ZDHHC21: variants seen among roughly 807,000 people sequenced by gnomAD.
ZDHHC21 encodes palmitoyltransferase ZDHHC21.
ZDHHC21 carries 15 observed loss-of-function variants against 34.6 expected under a neutral mutation model. The ratio of observed to expected loss-of-function variants is 0.43; its 90% CI spans 0.29 to 0.67. ZDHHC21 has a LOEUF of 0.67. Ranked by LOEUF, ZDHHC21 falls within the 30% of genes least tolerant of loss-of-function variation. The pLI, the probability that ZDHHC21 is intolerant of heterozygous loss-of-function variation, is 0.14. For missense variants in ZDHHC21, 344 were observed against 327.7 expected (o/e 1.05, Z -0.38); for synonymous variants, 142 against 101.8 (o/e 1.40, Z -2.38).
chr9:14,604,567 C>T, the ZDHHC21 span, among the ~76,000 whole-genome samples: 1 of 152,042 alleles, frequency 6.6e-6, no homozygotes, highest in African/African-American at 2.4e-5. Flanking sequence ...TGTAACATTG[C>T]ATGTTTTTAG....
At chr9:14,633,272 G>C (rs997536953) in intron 8 of ZDHHC21, among the ~76,000 whole-genome samples, 8 of 152,150 alleles carry the variant, frequency 5.3e-5, no homozygotes, top group African/African-American at 1.7e-4. Context: ...GGACTGACAG[G>C]AAAGCAAGGC....
At chr9:14,604,886 C>G in the ZDHHC21 span, among the ~76,000 whole-genome samples, 1 of 152,120 alleles carries the variant, frequency 6.6e-6, no homozygotes, top group Non-Finnish European at 1.5e-5. Context: ...ATTCCCCCTC[C>G]CCACAGCAGC....
intron 8 of ZDHHC21, among the ~76,000 whole-genome samples, chr9:14,634,585 T>TG (rs1464799252): frequency 6.6e-6 from 1 of 152,154 alleles, no homozygotes; most frequent in African/African-American, 2.4e-5. Context: ...CAGATACCAC[T>TG]GATGCTATTC....
chr9:14,685,521 T>G (rs1328444147), intron 2 of ZDHHC21, among the ~76,000 whole-genome samples: 1 of 151,996 alleles, frequency 6.6e-6, no homozygotes, highest in African/African-American at 2.4e-5. Flanking sequence ...CTCACACCAG[T>G]TAGAATGGCG....
intron 8 of ZDHHC21, chr9:14,622,544 A>C (rs1453578182): frequency 2.0e-6 from 2 of 985,162 alleles, no homozygotes; most frequent in Admixed American, 1.2e-4. Context: ...AACAGACCTG[A>C]GAACCCAGTC....
intron 5 of ZDHHC21, among the ~76,000 whole-genome samples, chr9:14,664,088 T>G (rs185342066): frequency 0.015 from 2,327 of 151,854 alleles, 28 homozygotes; most frequent in African/African-American, 0.036. Context: ...TGCATTTCCA[T>G]CTGAGGTACC....
At chr9:14,605,866 C>T in the ZDHHC21 span, among the ~76,000 whole-genome samples, 1 of 151,796 alleles carries the variant, frequency 6.6e-6, no homozygotes, top group Non-Finnish European at 1.5e-5. Flanking sequence ...TCTCACTATA[C>T]AATATTACAG....
the ZDHHC21 span, among the ~76,000 whole-genome samples, chr9:14,595,240 A>G: frequency 6.6e-6 from 1 of 152,248 alleles, no homozygotes; most frequent in African/African-American, 2.4e-5. Context: ...CATAATAGCC[A>G]AAAACTGAAA....
At chr9:14,603,752 G>T in the ZDHHC21 span, among the ~76,000 whole-genome samples, 1 of 152,190 alleles carries the variant, frequency 6.6e-6, no homozygotes, top group Non-Finnish European at 1.5e-5. Context: ...TTAGAAAAAG[G>T]GAATCGCTGC....
At chr9:14,597,643 C>T in the ZDHHC21 span, among the ~76,000 whole-genome samples, 23 of 152,244 alleles carry the variant, frequency 1.5e-4, no homozygotes, top group African/African-American at 2.9e-4. Flanking sequence ...ACATACCATC[C>T]GGGGGTCTGA....
rs1348931990 is a variant in ZDHHC21, at chr9:14,611,874, C to T, written c.*7092G>A. The T allele has an allele frequency of 6.6e-6, 1 of 151,962 alleles. No homozygotes were observed. The highest frequency in any genetic ancestry group is 1.5e-5 in the Non-Finnish European group (1 of 67,942). 9.4% of individuals were successfully genotyped at this position (151,962 alleles called of 1,614,324 possible). A position where few individuals can be genotyped will look rare whatever the true frequency, so the allele number is the denominator to read the frequency against. On this transcript the variant is annotated 3_prime_UTR_variant, in exon 10 of 10. Transcript: ENST00000380916. ...TTTTTACTTTTGTATCATTTAGTTG[C>T]TTTATTCTTACATATATGAAGTAGA...
chr9:14,634,129 G>A (rs7044925), intron 8 of ZDHHC21, among the ~76,000 whole-genome samples: 10,568 of 152,144 alleles, frequency 0.069, 1,235 homozygotes, highest in African/African-American at 0.24. Context: ...CTCCTCTCAG[G>A]GGCCAGAGGT....
intron 7 of ZDHHC21, among the ~76,000 whole-genome samples, chr9:14,645,325 G>A (rs1314196260): frequency 1.3e-5 from 2 of 152,016 alleles, no homozygotes; most frequent in Non-Finnish European, 2.9e-5. Context: ...TCATGATTAG[G>A]AGAAAGATGG....
intron 7 of ZDHHC21, among the ~76,000 whole-genome samples, chr9:14,650,636 A>AC (rs1831079075): frequency 6.6e-6 from 1 of 152,062 alleles, no homozygotes. Context: ...ATTCAAAGCT[A>AC]CCTGCAGCCA....
At chr9:14,660,309 T>A (rs1833121214) in intron 6 of ZDHHC21, among the ~76,000 whole-genome samples, 1 of 130,032 alleles carries the variant, frequency 7.7e-6, no homozygotes, top group Non-Finnish European at 1.5e-5. Flanking sequence ...GAGGTTGCAG[T>A]GAGGCAGAGG....
chr9:14,673,051 A>T (rs1012174224), intron 4 of ZDHHC21, 123 bp from the exon 5 acceptor site: 5 of 540,372 alleles, frequency 9.3e-6, no homozygotes, highest in Non-Finnish European at 6.1e-6. Context: ...ATTTCAAAAG[A>T]TTAAAAAATA....
intron 4 of ZDHHC21, 37 bp downstream of exon 4, chr9:14,674,150 A>T: frequency 7.1e-7 from 1 of 1,417,270 alleles, no homozygotes; most frequent in Non-Finnish European, 9.3e-7. Context: ...CAATGAGAAA[A>T]ATAATTATAC....
At chr9:14,675,106 C>G (rs750213348) in intron 3 of ZDHHC21, among the ~76,000 whole-genome samples, 11 of 151,898 alleles carry the variant, frequency 7.2e-5, no homozygotes, top group Admixed American at 5.9e-4. Context: ...TCATTATGAT[C>G]AACTGAAGAA....
At chr9:14,602,387 A>G in the ZDHHC21 span, among the ~76,000 whole-genome samples, 1 of 152,086 alleles carries the variant, frequency 6.6e-6, no homozygotes, top group Non-Finnish European at 1.5e-5. Context: ...CCATGAGATG[A>G]GATGGCCAAA....
Sources: gnomAD v4.1 joint callset for allele counts (sites outside exome capture counted in the v4.1 genomes callset) on GRCh38, gnomAD v4.1.1 for gene constraint, MANE v1.5 for transcripts, NCBI Gene and HGNC (gene_info 2026-07-23, HGNC 2026-07-21) for gene names.